LINGO2: variants seen among roughly 807,000 people sequenced by gnomAD.
The protein encoded by LINGO2 is leucine-rich repeat and immunoglobulin-like domain-containing nogo receptor-interacting protein 2.
Under a neutral mutation model 30.6 loss-of-function variants are expected in LINGO2, and 14 were observed. The ratio of observed to expected loss-of-function variants is 0.46; its 90% CI spans 0.30 to 0.72. LINGO2 has a LOEUF of 0.72. Among genes scored for constraint, LINGO2 ranks in the 30% least tolerant of loss-of-function variants. LINGO2 has a pLI of 0.07. For synonymous variants in LINGO2, 317 were observed against 288.5 expected (o/e 1.10, Z -1.00); for missense variants, 729 against 751.7 (o/e 0.97, Z 0.35).
intron 1 of LINGO2, among the ~76,000 whole-genome samples, chr9:28,572,358 A>G (rs1402433733): frequency 6.6e-6 from 1 of 152,002 alleles, no homozygotes; most frequent in East Asian, 1.9e-4. Flanking sequence ...AAGATTTCCT[A>G]TCTCCTTTAT....
At chr9:28,453,513 A>G (rs931111989) in intron 2 of LINGO2, among the ~76,000 whole-genome samples, 1 of 152,016 alleles carries the variant, frequency 6.6e-6, no homozygotes, top group African/African-American at 2.4e-5. Flanking sequence ...TTTTTAAGGT[A>G]AGACTCAAAG....
chr9:28,469,563 C>T (rs1825440872), intron 2 of LINGO2, among the ~76,000 whole-genome samples: 2 of 151,952 alleles, frequency 1.3e-5, no homozygotes, highest in Admixed American at 6.6e-5. Context: ...ATATTGAAAG[C>T]GGCAAGAGAA....
intron 4 of LINGO2, among the ~76,000 whole-genome samples, chr9:28,083,674 T>C (rs1839967): frequency 0.22 from 32,917 of 152,002 alleles, 3,944 homozygotes; most frequent in East Asian, 0.27. Context: ...GCTAATCAAA[T>C]TGGAGTGTCT....
chr9:28,566,953 T>A (rs1156814096), intron 1 of LINGO2, among the ~76,000 whole-genome samples: 1 of 152,206 alleles, frequency 6.6e-6, no homozygotes, highest in Non-Finnish European at 1.5e-5. Flanking sequence ...ATAGTTGATA[T>A]GATATTATTT....
At chr9:28,693,532 G>A in the LINGO2 span, among the ~76,000 whole-genome samples, 1 of 152,224 alleles carries the variant, frequency 6.6e-6, no homozygotes, top group Non-Finnish European at 1.5e-5. Context: ...TTCACAAGGT[G>A]AAACAGAAGT....
At chr9:28,203,442 T>C (rs891251572) in intron 4 of LINGO2, among the ~76,000 whole-genome samples, 2 of 152,070 alleles carry the variant, frequency 1.3e-5, no homozygotes, top group Non-Finnish European at 2.9e-5. Context: ...GGTATTTCTT[T>C]TGGGCCTAGG....
the LINGO2 span, among the ~76,000 whole-genome samples, chr9:29,014,122 A>G: frequency 6.6e-6 from 1 of 152,118 alleles, no homozygotes; most frequent in East Asian, 1.9e-4. Context: ...TATGCAGCAT[A>G]TATGTTATAG....
chr9:28,525,972 C>T (rs1181637852), intron 1 of LINGO2, among the ~76,000 whole-genome samples: 2 of 144,034 alleles, frequency 1.4e-5, no homozygotes, highest in Non-Finnish European at 1.5e-5. Context: ...AGAAGAATGG[C>T]ATGAACCCGG....
the LINGO2 span, among the ~76,000 whole-genome samples, chr9:28,939,652 G>T: frequency 1.3e-5 from 2 of 152,050 alleles, no homozygotes; most frequent in Non-Finnish European, 2.9e-5. Context: ...TGGTTTAAAG[G>T]TTTGTTTCTT....
the LINGO2 span, among the ~76,000 whole-genome samples, chr9:28,950,639 T>C: frequency 1.3e-5 from 2 of 152,014 alleles, no homozygotes; most frequent in Non-Finnish European, 2.9e-5. Flanking sequence ...TGAACTCCCA[T>C]TCAAAATTGC....
chr9:28,146,219 C>T (rs187800241), intron 4 of LINGO2, among the ~76,000 whole-genome samples: 30 of 152,290 alleles, frequency 2.0e-4, no homozygotes, highest in African/African-American at 6.7e-4. Context: ...AGCAGTCAGT[C>T]TTAAACTTGG....
At chr9:28,877,752 T>C in the LINGO2 span, among the ~76,000 whole-genome samples, 5 of 152,008 alleles carry the variant, frequency 3.3e-5, no homozygotes, top group Non-Finnish European at 5.9e-5. Flanking sequence ...TTTGGTTCCA[T>C]AGGAACTTTA....
intron 5 of LINGO2, among the ~76,000 whole-genome samples, chr9:27,994,508 C>A (rs969091343): frequency 1.3e-5 from 2 of 151,932 alleles, no homozygotes; most frequent in African/African-American, 4.8e-5. Flanking sequence ...GCCCCAGGGA[C>A]CACTGGAACC....
chr9:29,207,471 CA>C, the LINGO2 span, among the ~76,000 whole-genome samples: 2 of 152,026 alleles, frequency 1.3e-5, no homozygotes, highest in Non-Finnish European at 2.9e-5. Flanking sequence ...GAATCCATTT[CA>C]CAAACTCTAT....
At chr9:29,096,026 A>T in the LINGO2 span, among the ~76,000 whole-genome samples, 1 of 139,140 alleles carries the variant, frequency 7.2e-6, no homozygotes, top group Non-Finnish European at 1.6e-5. Context: ...GATTTCTCCC[A>T]GTGTAGGTAA....
the LINGO2 span, among the ~76,000 whole-genome samples, chr9:28,962,218 T>C: frequency 6.6e-6 from 1 of 152,132 alleles, no homozygotes; most frequent in Non-Finnish European, 1.5e-5. Context: ...TTCTGTGTAC[T>C]TTACCTGTAT....
At chr9:28,292,950 T>A (rs1587404156) in intron 4 of LINGO2, among the ~76,000 whole-genome samples, 1 of 151,866 alleles carries the variant, frequency 6.6e-6, no homozygotes, top group East Asian at 1.9e-4. Flanking sequence ...TTTTTTGTAT[T>A]TTTAGTAGAG....
chr9:28,242,341 A>T (rs1013231661), intron 4 of LINGO2, among the ~76,000 whole-genome samples: 1 of 152,210 alleles, frequency 6.6e-6, no homozygotes, highest in African/African-American at 2.4e-5. Flanking sequence ...AAGTATAAAT[A>T]GCAGAATTGA....
chr9:28,438,218 A>T (rs1218383475), intron 2 of LINGO2, among the ~76,000 whole-genome samples: 1 of 152,178 alleles, frequency 6.6e-6, no homozygotes, highest in Non-Finnish European at 1.5e-5. Context: ...AGTGAGCTAA[A>T]GGTTGCCCAG....
Sources: allele counts gnomAD v4.1 joint callset (sites outside exome capture counted in the v4.1 genomes callset), GRCh38; gene constraint gnomAD v4.1.1; transcripts MANE v1.5; gene names NCBI Gene and HGNC (gene_info 2026-07-23, HGNC 2026-07-21).